The following HEATR3 variants were observed in gnomAD, a reference collection of about 807,000 sequenced individuals.
The protein encoded by HEATR3 is HEAT repeat containing 3, also known as HEAT repeat-containing protein 3.
A neutral mutation model predicts 72.8 loss-of-function variants in HEATR3; 56 were observed. The ratio of observed to expected loss-of-function variants is 0.77; its 90% CI spans 0.62 to 0.96. The LOEUF (loss-of-function observed/expected upper bound fraction) is 0.96. Ranked by LOEUF, HEATR3 falls within the 40% of genes least tolerant of loss-of-function variation. The pLI, the probability that HEATR3 is intolerant of heterozygous loss-of-function variation, is 0.00. For synonymous variants in HEATR3, 331 were observed against 318.1 expected (o/e 1.04, Z -0.43); for missense variants, 747 against 831.4 (o/e 0.90, Z 1.25).
intron 4 of HEATR3, 30 bp from the exon 5 acceptor site, chr16:50,072,575 G>A: frequency 7.1e-7 from 1 of 1,416,516 alleles, no homozygotes. Context: ...AATGTGAATA[G>A]TAAAACTTTT....
At chr16:50,086,892 GCAC>G (rs1311997508) in intron 11 of HEATR3, among the ~76,000 whole-genome samples, 1 of 152,172 alleles carries the variant, frequency 6.6e-6, no homozygotes, top group Non-Finnish European at 1.5e-5. Context: ...TTGTGCCATT[GCAC>G]TCCAGCCTGG....
chr16:50,066,762 A>C, intron 2 of HEATR3: 1 of 413,454 alleles, frequency 2.4e-6, no homozygotes. Context: ...CCACCTGCTC[A>C]GGCGTCCTGC....
chr16:50,077,154 G>T (rs1437309230), intron 6 of HEATR3, among the ~76,000 whole-genome samples: 1 of 151,916 alleles, frequency 6.6e-6, no homozygotes, highest in African/African-American at 2.4e-5. Flanking sequence ...GATCACAGGC[G>T]TGAGCCACCG....
At chr16:50,094,384 C>G (rs554167987) in intron 11 of HEATR3, among the ~76,000 whole-genome samples, 8 of 152,266 alleles carry the variant, frequency 5.3e-5, no homozygotes, top group Admixed American at 2.0e-4. Flanking sequence ...AGAATTCAGT[C>G]TGCAAAAGCT....
rs759418015 is a variant in HEATR3 at position 50,104,987 on chromosome 16, CT to C, written c.1971del (p.Asp658ThrfsTer3). 6.2e-7 allele frequency: 1 copy of C among 1,612,754 alleles called. No individual in the cohort carries two copies. The highest frequency in any genetic ancestry group is 8.5e-7 in the Non-Finnish European group (1 of 1,179,566). On this transcript the variant is annotated frameshift_variant, in exon 15 of 15. Coordinates refer to ENST00000299192, the MANE Select transcript of HEATR3 (RefSeq NM_182922.4). LOFTEE classifies it high-confidence loss of function. Reference sequence around the variant, plus strand: ...CTATAGCACAGATCAGCTGTGTGTTCTTGACAATGTGAAAATGAATTTGCGA... The same window carrying C: ...CTATAGCACAGATCAGCTGTGTGTTCTGACAATGTGAAAATGAATTTGCGA... ...GNYSTDQLCV[L>X]DNVKMNLRRF...
intron 11 of HEATR3, among the ~76,000 whole-genome samples, chr16:50,092,477 C>T (rs1222480813): frequency 7.2e-6 from 1 of 138,428 alleles, no homozygotes; most frequent in Non-Finnish European, 1.5e-5. Context: ...GGCTCTGTCG[C>T]CCAGGCTGGA....
chr16:50,090,289 G>A (rs1052080742), intron 11 of HEATR3, among the ~76,000 whole-genome samples: 1 of 152,048 alleles, frequency 6.6e-6, no homozygotes, highest in African/African-American at 2.4e-5. Flanking sequence ...AGGAGGTCAA[G>A]GCTGCAATGA....
At chr16:50,097,035 C>G (rs2037254467) in intron 12 of HEATR3, among the ~76,000 whole-genome samples, 1 of 152,110 alleles carries the variant, frequency 6.6e-6, no homozygotes, top group African/African-American at 2.4e-5. Flanking sequence ...GGAGCTAGGT[C>G]TAGAGCCTTA....
chr16:50,072,560 G>A, intron 4 of HEATR3, 45 bp from the exon 5 acceptor site: 5 of 1,245,574 alleles, frequency 4.0e-6, no homozygotes, highest in Non-Finnish European at 5.9e-6. Flanking sequence ...ATTTCCTACT[G>A]TTAAAATGTG....
At chr16:50,090,742 C>T (rs1320885288) in intron 11 of HEATR3, among the ~76,000 whole-genome samples, 1 of 152,198 alleles carries the variant, frequency 6.6e-6, no homozygotes, top group African/African-American at 2.4e-5. Flanking sequence ...ATTTAGGATT[C>T]TCTGTTTTTC....
intron 12 of HEATR3, among the ~76,000 whole-genome samples, chr16:50,095,152 C>T (rs2037205293): frequency 6.7e-6 from 1 of 150,046 alleles, no homozygotes. Context: ...CTTCCTCTGT[C>T]GCCCAGGCTG....
In HEATR3 at chr16:50,089,018, A is replaced by C. The variant is rs112206040; in HGVS notation, c.1510+2667A>C. Among the ~76,000 whole-genome samples, 26 of 152,242 alleles carry C rather than the reference A, an allele frequency of 1.7e-4. No homozygotes were observed. In the East Asian group the frequency reaches 3.5e-3, roughly 20 times the overall value. On this transcript the variant is annotated intron_variant, in intron 11 of 14. Coordinates refer to ENST00000299192, the MANE Select transcript of HEATR3 (RefSeq NM_182922.4). ...TGTGTGCCTGTGCTATAGTGAAAGC[A>C]CTCAGATATGTTTCTCTTGGTTCTG...
At chr16:50,090,118 G>A (rs72796156) in intron 11 of HEATR3, among the ~76,000 whole-genome samples, 16,563 of 152,146 alleles carry the variant, frequency 0.11, 911 homozygotes, top group African/African-American at 0.12. Context: ...CACTTTGGGA[G>A]CTGAATTGGG....
Position 50,083,464 on chromosome 16 carries a change from A to G in HEATR3, c.1042-473A>G, listed in dbSNP as rs555751375. Among the ~76,000 whole-genome samples, 67 of 152,306 alleles carry G rather than the reference A, an allele frequency of 4.4e-4. 1 individual carries two copies. Among genetic ancestry groups the G allele is most frequent in the Admixed American group, 2.5e-3 (39 of 15,300 alleles). ...CTCCATAGCAAGTTCTACAGGTCAC[A>G]TAAGGGCTCGTTAGTAGTGTGTGTT... On this transcript the variant is annotated intron_variant, in intron 7 of 14. Transcript: ENST00000299192.
intron 14 of HEATR3, among the ~76,000 whole-genome samples, chr16:50,103,790 C>T (rs1176579390): frequency 6.6e-6 from 1 of 152,178 alleles, no homozygotes; most frequent in Non-Finnish European, 1.5e-5. Context: ...CTTTGGGAGC[C>T]CCAGGTGGGA....
At chr16:50,093,832 A>G (rs2037173476) in intron 11 of HEATR3, among the ~76,000 whole-genome samples, 1 of 152,188 alleles carries the variant, frequency 6.6e-6, no homozygotes, top group South Asian at 2.1e-4. Context: ...AAGAGCATGC[A>G]CACATGCGTC....
intron 11 of HEATR3, among the ~76,000 whole-genome samples, chr16:50,086,628 A>G (rs1217876211): frequency 6.6e-6 from 1 of 152,142 alleles, no homozygotes; most frequent in Non-Finnish European, 1.5e-5. Context: ...AGGCCTCATT[A>G]AGGTATTTGG....
intron 6 of HEATR3, among the ~76,000 whole-genome samples, chr16:50,076,017 G>GT (rs34176576): frequency 0.67 from 99,367 of 148,448 alleles, 33,220 homozygotes; most frequent in South Asian, 0.72. Context: ...TTTTCCATAA[G>GT]TTTTTTTTTT....
At chr16:50,092,905 A>G (rs1266222336) in intron 11 of HEATR3, among the ~76,000 whole-genome samples, 1 of 152,226 alleles carries the variant, frequency 6.6e-6, no homozygotes, top group Non-Finnish European at 1.5e-5. Context: ...TGAAGAAAAA[A>G]GTAAAAGCAG....
Sources: allele counts gnomAD v4.1 joint callset (sites outside exome capture counted in the v4.1 genomes callset), GRCh38; gene constraint gnomAD v4.1.1; transcripts MANE v1.5; gene names NCBI Gene and HGNC (gene_info 2026-07-23, HGNC 2026-07-21).